RBM47: variants seen among roughly 807,000 people sequenced by gnomAD.
The protein encoded by RBM47 is RNA-binding protein 47.
In RBM47, 21 loss-of-function variants were observed where a neutral mutation model predicts 47.1. The ratio of observed to expected loss-of-function variants is 0.45; its 90% CI spans 0.32 to 0.64. The LOEUF (loss-of-function observed/expected upper bound fraction) is 0.64, where lower values mean the gene tolerates loss of function less well. Ranked by LOEUF, RBM47 falls within the 30% of genes least tolerant of loss-of-function variation. RBM47 has a pLI of 0.05. For synonymous variants in RBM47, 375 were observed against 361.7 expected (o/e 1.04, Z -0.42); for missense variants, 708 against 870.9 (o/e 0.81, Z 2.35).
intron 2 of RBM47, among the ~76,000 whole-genome samples, chr4:40,511,600 C>A (rs1724935724): frequency 6.6e-6 from 1 of 152,140 alleles, no homozygotes; most frequent in Admixed American, 6.5e-5. Flanking sequence ...ACCATAAGAA[C>A]CCCTAACAGG....
chr4:40,617,156 G>C (rs530855465), intron 1 of RBM47, among the ~76,000 whole-genome samples: 1 of 151,984 alleles, frequency 6.6e-6, no homozygotes, highest in African/African-American at 2.4e-5. Context: ...GATTACAGGC[G>C]TGAGACACTG....
chr4:40,457,846 T>C (rs1716531508), intron 3 of RBM47, among the ~76,000 whole-genome samples: 1 of 152,202 alleles, frequency 6.6e-6, no homozygotes, highest in Admixed American at 6.5e-5. Context: ...GTGAACTTTT[T>C]GCTGGGTGTG....
At chr4:40,541,585 A>G (rs559336341) in intron 2 of RBM47, among the ~76,000 whole-genome samples, 1 of 152,096 alleles carries the variant, frequency 6.6e-6, no homozygotes, top group Admixed American at 6.6e-5. Context: ...TAAAAATACA[A>G]CAAATTAGCC....
intron 3 of RBM47, among the ~76,000 whole-genome samples, chr4:40,464,391 A>T (rs1717645187): frequency 6.6e-6 from 1 of 152,332 alleles, no homozygotes; most frequent in South Asian, 2.1e-4. Context: ...GATTAAGTTT[A>T]ATTTATAAAT....
intron 3 of RBM47, among the ~76,000 whole-genome samples, chr4:40,441,908 T>C (rs1234957865): frequency 6.6e-6 from 1 of 152,250 alleles, no homozygotes; most frequent in East Asian, 1.9e-4. Flanking sequence ...TCTTCACCTA[T>C]GCTATCATCT....
chr4:40,468,075 C>T (rs1457774497), intron 2 of RBM47, among the ~76,000 whole-genome samples: 1 of 152,278 alleles, frequency 6.6e-6, no homozygotes, highest in South Asian at 2.1e-4. Flanking sequence ...CACTTGAGAT[C>T]AAGAGTTCAA....
intron 1 of RBM47, among the ~76,000 whole-genome samples, chr4:40,558,210 G>C (rs1380257031): frequency 6.6e-6 from 1 of 152,092 alleles, no homozygotes; most frequent in African/African-American, 2.4e-5. Context: ...TGAAATTTGG[G>C]ATTTCTCCTC....
chr4:40,497,193 A>C (rs1722720122), intron 2 of RBM47, among the ~76,000 whole-genome samples: 1 of 152,176 alleles, frequency 6.6e-6, no homozygotes, highest in African/African-American at 2.4e-5. Context: ...TCTCCACTAC[A>C]AAGATGGTCC....
At chr4:40,468,946 T>C (rs943149872) in intron 2 of RBM47, among the ~76,000 whole-genome samples, 3 of 152,238 alleles carry the variant, frequency 2.0e-5, no homozygotes, top group Admixed American at 1.3e-4. Flanking sequence ...TGAAATTAAT[T>C]GTACACTGTC....
At chr4:40,559,893 C>G (rs757734853) in intron 1 of RBM47, among the ~76,000 whole-genome samples, 12 of 152,204 alleles carry the variant, frequency 7.9e-5, no homozygotes, top group Non-Finnish European at 1.3e-4. Context: ...TCCTTCAAAT[C>G]TGTACATTAC....
At chr4:40,486,110 AAG>A (rs1359549240) in intron 2 of RBM47, among the ~76,000 whole-genome samples, 1 of 148,608 alleles carries the variant, frequency 6.7e-6, no homozygotes, top group Non-Finnish European at 1.5e-5. Context: ...GCTTAGTGTG[AAG>A]AGTTTAGAAA....
intron 3 of RBM47, among the ~76,000 whole-genome samples, chr4:40,462,336 TGAAAA>T (rs1225120116): frequency 2.0e-5 from 3 of 152,188 alleles, no homozygotes; most frequent in African/African-American, 7.2e-5. Context: ...TGAAGCAGCA[TGAAAA>T]GAAATTTGTT....
chr4:40,586,145 C>T (rs1733559859), intron 1 of RBM47, among the ~76,000 whole-genome samples: 1 of 152,144 alleles, frequency 6.6e-6, no homozygotes, highest in Non-Finnish European at 1.5e-5. Context: ...AATCCCCCCA[C>T]CCTCACCACA....
intron 2 of RBM47, among the ~76,000 whole-genome samples, chr4:40,472,954 T>G (rs1483293945): frequency 6.6e-6 from 1 of 152,148 alleles, no homozygotes; most frequent in Non-Finnish European, 1.5e-5. Context: ...CCCCATGACA[T>G]TCAAAAGAAA....
intron 2 of RBM47, among the ~76,000 whole-genome samples, chr4:40,520,717 C>T (rs1435434383): frequency 6.6e-6 from 1 of 152,138 alleles, no homozygotes; most frequent in Non-Finnish European, 1.5e-5. Context: ...TGAATGTGAC[C>T]TCAGAAACTG....
At chr4:40,478,348 AG>A (rs1472553333) in intron 2 of RBM47, among the ~76,000 whole-genome samples, 1 of 152,184 alleles carries the variant, frequency 6.6e-6, no homozygotes, top group African/African-American at 2.4e-5. Context: ...GCTTGCAACA[AG>A]CTTAAATCAT....
intron 2 of RBM47, among the ~76,000 whole-genome samples, chr4:40,488,133 C>T (rs1356029080): frequency 6.6e-6 from 1 of 151,894 alleles, no homozygotes; most frequent in African/African-American, 2.4e-5. Flanking sequence ...ACCAGCCTGG[C>T]CAACATGGTG....
At chr4:40,588,605 C>T (rs1475210514) in intron 1 of RBM47, among the ~76,000 whole-genome samples, 2 of 152,128 alleles carry the variant, frequency 1.3e-5, no homozygotes, top group African/African-American at 2.4e-5. Flanking sequence ...AGCTAGACTT[C>T]GATCCAGCAC....
chr4:40,555,788 C>T (rs1429494727), intron 1 of RBM47, among the ~76,000 whole-genome samples: 1 of 152,140 alleles, frequency 6.6e-6, no homozygotes, highest in Non-Finnish European at 1.5e-5. Context: ...GATGTGGGTC[C>T]CAGAAATAGA....
Sources: allele counts gnomAD v4.1 joint callset (sites outside exome capture counted in the v4.1 genomes callset), GRCh38; gene constraint gnomAD v4.1.1; transcripts MANE v1.5; gene names NCBI Gene and HGNC (gene_info 2026-07-23, HGNC 2026-07-21).